COL25A1: variants seen among roughly 807,000 people sequenced by gnomAD.
COL25A1 encodes the protein collagen type XXV alpha 1 chain.
COL25A1 carries 103 observed loss-of-function variants against 128.4 expected under a neutral mutation model. The ratio of observed to expected loss-of-function variants is 0.80; its 90% CI spans 0.68 to 0.94. The LOEUF (loss-of-function observed/expected upper bound fraction) is 0.94. COL25A1 is among the 40% of genes least tolerant of loss of function. The pLI, the probability that COL25A1 is intolerant of heterozygous loss-of-function variation, is 0.00. For synonymous variants in COL25A1, 279 were observed against 277.2 expected, an observed-to-expected ratio of 1.01 and a Z score of -0.06; for missense variants, 745 against 840.0, an observed-to-expected ratio of 0.89 and a Z score of 1.40.
intron 3 of COL25A1, among the ~76,000 whole-genome samples, chr4:109,096,614 T>C (rs760344184): frequency 1.4e-4 from 21 of 150,526 alleles, no homozygotes; most frequent in Non-Finnish European, 2.1e-4. Context: ...TCTCAGAACA[T>C]ATCCCCATCA....
chr4:109,056,900 A>G (rs902538668), intron 3 of COL25A1, among the ~76,000 whole-genome samples: 1 of 152,214 alleles, frequency 6.6e-6, no homozygotes, highest in African/African-American at 2.4e-5. Context: ...GGTGTCGAAC[A>G]TCGCTATTTA....
chr4:109,245,776 G>A (rs1184850213), intron 3 of COL25A1, among the ~76,000 whole-genome samples: 3 of 152,052 alleles, frequency 2.0e-5, no homozygotes, highest in African/African-American at 7.2e-5. Context: ...ACAGGAATAG[G>A]ACAGAGCTTC....
intron 6 of COL25A1, among the ~76,000 whole-genome samples, chr4:108,979,609 G>A (rs1048197315): frequency 3.9e-5 from 6 of 152,152 alleles, no homozygotes; most frequent in African/African-American, 9.7e-5. Context: ...TTGGCAGCCC[G>A]AGTGCCTGGA....
intron 8 of COL25A1, among the ~76,000 whole-genome samples, chr4:108,957,126 C>G (rs1474473024): frequency 1.3e-5 from 2 of 152,132 alleles, no homozygotes; most frequent in East Asian, 3.9e-4. Context: ...TTATCCCAAA[C>G]ACATTTATCC....
At chr4:109,045,257 C>A (rs3096475) in intron 5 of COL25A1, among the ~76,000 whole-genome samples, 76,472 of 151,914 alleles carry the variant, frequency 0.5, 21,254 homozygotes, top group African/African-American at 0.73. Flanking sequence ...TTGGTAGTAA[C>A]GTTTTTGGGG....
intron 15 of COL25A1, among the ~76,000 whole-genome samples, chr4:108,897,194 G>T (rs1405163): frequency 0.53 from 81,114 of 152,004 alleles, 22,826 homozygotes; most frequent in East Asian, 0.93. Flanking sequence ...TCAAAGTACA[G>T]GACAGGGCCC....
chr4:109,245,423 A>G (rs1780192901), intron 3 of COL25A1, among the ~76,000 whole-genome samples: 2 of 151,428 alleles, frequency 1.3e-5, no homozygotes, highest in South Asian at 4.1e-4. Context: ...GCAATGGTGG[A>G]AGCCAAACTT....
intron 3 of COL25A1, among the ~76,000 whole-genome samples, chr4:109,223,237 A>T (rs1422136627): frequency 1.3e-5 from 2 of 152,170 alleles, no homozygotes; most frequent in African/African-American, 4.8e-5. Context: ...ATTTCAGCCT[A>T]TTAATCAGGT....
rs765354719 is a variant in COL25A1 at position 108,824,232 on chromosome 4, A to C, written c.1792-5T>G. Reference sequence around the variant, plus strand: ...ACCCCGTGGACCAGGGAAGCCCTGTAAGATAAAAAGCAAACCAAAAAGATC... The same window carrying C: ...ACCCCGTGGACCAGGGAAGCCCTGTCAGATAAAAAGCAAACCAAAAAGATC... On this transcript the variant is annotated splice_polypyrimidine_tract_variant and splice_region_variant and intron_variant, in intron 34 of 37. Coordinates refer to ENST00000399132, the MANE Select transcript of COL25A1 (RefSeq NM_198721.4). The C allele has an allele frequency of 2.5e-6, 4 of 1,603,058 alleles. No individual in the cohort carries two copies. The highest frequency in any genetic ancestry group is 3.4e-6 in the Non-Finnish European group (4 of 1,174,586).
Position 108,829,387 on chromosome 4 carries a change from GTATCTATCTATCTATC to G in COL25A1, c.1711-2215_1711-2200del, listed in dbSNP as rs34296727. ...TAGTAAGGTGTGTATGTGTAAGTGT[GTATCTATCTATCTATC>G]TATCTATCTATCTATCTATCTATCT... is the stretch of plus-strand genomic sequence containing the variant. On this transcript the variant is annotated intron_variant, in intron 32 of 37. Transcript: ENST00000399132. Among the ~76,000 whole-genome samples, 625 of 147,672 alleles carry G rather than the reference GTATCTATCTATCTATC, an allele frequency of 4.2e-3. 7 individuals are homozygous for G. Among genetic ancestry groups the G allele is most frequent in the African/African-American group, 0.013 (517 of 39,730 alleles).
At chr4:109,275,464 T>C (rs1464198003) in intron 3 of COL25A1, among the ~76,000 whole-genome samples, 1 of 152,148 alleles carries the variant, frequency 6.6e-6, no homozygotes, top group Non-Finnish European at 1.5e-5. Flanking sequence ...ACAAAAAGAT[T>C]AGTGTGTCCC....
chr4:108,857,357 T>A (rs1180458074), intron 24 of COL25A1, among the ~76,000 whole-genome samples: 2 of 152,116 alleles, frequency 1.3e-5, no homozygotes, highest in Non-Finnish European at 2.9e-5. Flanking sequence ...GAAAAGGGAA[T>A]AATTTAGAAA....
At chr4:108,916,584 G>A (rs1374181625) in intron 13 of COL25A1, among the ~76,000 whole-genome samples, 2 of 151,828 alleles carry the variant, frequency 1.3e-5, no homozygotes, top group African/African-American at 4.8e-5. Context: ...TACAAGTTTT[G>A]TTTCTCACCA....
chr4:109,201,735 A>C (rs1259689164), intron 3 of COL25A1, among the ~76,000 whole-genome samples: 1 of 152,184 alleles, frequency 6.6e-6, no homozygotes, highest in Non-Finnish European at 1.5e-5. Flanking sequence ...TAACATAGAA[A>C]ATCTGAAAAA....
At chr4:109,059,961 T>C (rs944240568) in intron 3 of COL25A1, among the ~76,000 whole-genome samples, 3 of 152,196 alleles carry the variant, frequency 2.0e-5, no homozygotes, top group Admixed American at 2.0e-4. Flanking sequence ...GAGTACAACT[T>C]TTGAAATCAG....
rs1019176803 is a variant in COL25A1, at chr4:109,300,790, T to C, written c.298-138A>G. 3 of 603,836 alleles carry C rather than the reference T, an allele frequency of 5.0e-6. No homozygotes were observed. In the Admixed American group the frequency reaches 8.6e-5, roughly 17 times the overall value. 37.4% of individuals were successfully genotyped at this position (603,836 alleles called of 1,614,324 possible). On this transcript the variant is annotated intron_variant, in intron 2 of 37. Transcript: ENST00000399132. Reference sequence around the variant, plus strand: ...AACATTTACATATGTACTTGGACTCTAGTCAAGAAAGTAACCATGCCTAAG... The same window carrying C: ...AACATTTACATATGTACTTGGACTCCAGTCAAGAAAGTAACCATGCCTAAG...
chr4:108,860,071 A>C (rs1375972991), intron 23 of COL25A1, among the ~76,000 whole-genome samples: 1 of 152,206 alleles, frequency 6.6e-6, no homozygotes, highest in African/African-American at 2.4e-5. Context: ...TTATTAAAGC[A>C]TCCTCTAACC....
intron 3 of COL25A1, among the ~76,000 whole-genome samples, chr4:109,116,797 G>A (rs1016919654): frequency 6.6e-6 from 1 of 151,920 alleles, no homozygotes; most frequent in Non-Finnish European, 1.5e-5. Flanking sequence ...TGTAAGCAAA[G>A]AGACAGAAAT....
chr4:108,866,760 A>G (rs919380761), intron 20 of COL25A1, among the ~76,000 whole-genome samples: 5 of 152,200 alleles, frequency 3.3e-5, no homozygotes, highest in African/African-American at 1.2e-4. Flanking sequence ...CACTGAACCA[A>G]CCATAACATT....
Sources: gnomAD v4.1 joint callset for allele counts (sites outside exome capture counted in the v4.1 genomes callset) on GRCh38, gnomAD v4.1.1 for gene constraint, MANE v1.5 for transcripts, NCBI Gene and HGNC (gene_info 2026-07-23, HGNC 2026-07-21) for gene names.